Variants in NGLY1 observed in about 807,000 individuals in gnomAD.
NGLY1 encodes N-glycanase 1.
In NGLY1, 68 loss-of-function variants were observed where a neutral mutation model predicts 84.6. The observed-to-expected ratio is 0.80, with a 90% CI of 0.66 to 0.98. NGLY1 has a LOEUF of 0.98. Among genes scored for constraint, NGLY1 ranks in the 50% least tolerant of loss-of-function variants. The pLI is 0.00. For missense variants in NGLY1, 779 were observed against 770.2 expected (o/e 1.01, Z -0.14); for synonymous variants, 280 against 275.2 (o/e 1.02, Z -0.17).
intron 3 of NGLY1, among the ~76,000 whole-genome samples, chr3:25,756,902 T>C (rs947813733): frequency 1.3e-5 from 2 of 152,350 alleles, no homozygotes; most frequent in Non-Finnish European, 2.9e-5. Context: ...CTGAACACTT[T>C]CCCAGTTTTC....
At chr3:25,770,554 T>C (rs1462767279) in intron 2 of NGLY1, among the ~76,000 whole-genome samples, 1 of 152,244 alleles carries the variant, frequency 6.6e-6, no homozygotes, top group Non-Finnish European at 1.5e-5. Context: ...CTTCTTCATA[T>C]AATGACTTCT....
rs1034733370 is a variant in NGLY1, at chr3:25,749,677, C to CA, written c.658+1420dup. ...TGCCCAACATTAGTTATGGGAGCAA[C>CA]AAAAAAACAAAGCACATGCTGCCCA... On this transcript the variant is annotated intron_variant, in intron 4 of 11. Transcript: ENST00000280700. 1.0e-5 allele frequency: 16 copies of CA among 1,566,532 alleles called. No individual in the cohort carries two copies. The African/African-American group carries it at 1.5e-4, about 15-fold the overall frequency.
intron 2 of NGLY1, among the ~76,000 whole-genome samples, chr3:25,770,203 T>G (rs987952517): frequency 3.9e-5 from 6 of 152,142 alleles, no homozygotes; most frequent in Non-Finnish European, 8.8e-5. Context: ...CAAGCTGGAG[T>G]GCAATGGCAT....
intron 2 of NGLY1, among the ~76,000 whole-genome samples, chr3:25,768,938 C>G (rs1707759137): frequency 6.6e-6 from 1 of 151,996 alleles, no homozygotes; most frequent in African/African-American, 2.4e-5. Flanking sequence ...AAGGAAAGAA[C>G]AATGTGAAGA....
At chr3:25,734,702 A>C in intron 7 of NGLY1, 1 of 766,290 alleles carries the variant, frequency 1.3e-6, no homozygotes, top group Non-Finnish European at 1.6e-6. Context: ...AGAGGGTGAG[A>C]CTGTCTCGAA....
At chr3:25,754,478 C>T (rs1706927734) in intron 3 of NGLY1, among the ~76,000 whole-genome samples, 1 of 152,050 alleles carries the variant, frequency 6.6e-6, no homozygotes, top group African/African-American at 2.4e-5. Flanking sequence ...TTTCTGGTCG[C>T]TTTTCATTGC....
intron 10 of NGLY1, among the ~76,000 whole-genome samples, chr3:25,724,337 G>C (rs1288449731): frequency 2.0e-5 from 3 of 152,178 alleles, no homozygotes; most frequent in African/African-American, 7.2e-5. Flanking sequence ...CAGCAAAGCA[G>C]CTGTATTTCA....
At chr3:25,744,396 C>T (rs754168847) in intron 4 of NGLY1, among the ~76,000 whole-genome samples, 6 of 152,340 alleles carry the variant, frequency 3.9e-5, no homozygotes, top group Middle Eastern at 3.4e-3. Context: ...GGCAGTGCCA[C>T]AAGGTCCCCA....
intron 3 of NGLY1, among the ~76,000 whole-genome samples, chr3:25,763,126 A>G (rs755129174): frequency 1.6e-4 from 25 of 152,312 alleles, no homozygotes; most frequent in Non-Finnish European, 2.8e-4. Context: ...TGTCTCAAAA[A>G]AAGAAAAAAA....
chr3:25,754,088 T>C (rs1177221434), intron 3 of NGLY1, among the ~76,000 whole-genome samples: 2 of 152,156 alleles, frequency 1.3e-5, no homozygotes, highest in African/African-American at 2.4e-5. Context: ...AAAATAGATA[T>C]GGACATTACC....
chr3:25,786,751 G>A (rs1708610503), upstream of NGLY1, among the ~76,000 whole-genome samples: 1 of 152,158 alleles, frequency 6.6e-6, no homozygotes, highest in Non-Finnish European at 1.5e-5. Flanking sequence ...TTAAAATGGT[G>A]ATTTCCATGA....
Position 25,783,359 on chromosome 3 carries a change from C to G in NGLY1, c.32G>C (p.Gly11Ala), listed in dbSNP as rs1225525624. Residue 11 changes from glycine (G) to alanine (A), a missense_variant, in exon 1 of 12, where the codon GGC becomes GCC. By Grantham distance (60) the Gly-to-Ala change is moderately conservative (BLOSUM62 0). Transcript: ENST00000280700. This position sits in a 1 kb window ranked among gnomAD's most constrained non-coding sequence, Gnocchi z 4.5. ...CTCAGCCACGGCCGGGGACGCCGAGCCTGAGGAGCTGCCCAATGCCGCCGC... is the reference window on the plus strand; with the variant it reads ...CTCAGCCACGGCCGGGGACGCCGAGGCTGAGGAGCTGCCCAATGCCGCCGC... MAAAALGSSS[G>A]SASPAVAELC... 1 of 1,563,462 alleles carries G rather than the reference C, an allele frequency of 6.4e-7. No homozygotes were observed. Among genetic ancestry groups the G allele is most frequent in the Non-Finnish European group, 8.6e-7 (1 of 1,156,104 alleles).
At chr3:25,732,546 G>A (rs1705596201) in intron 8 of NGLY1, 63 bp from the exon 9 acceptor site, 1 of 1,245,506 alleles carries the variant, frequency 8.0e-7, no homozygotes, top group Admixed American at 2.3e-5. Flanking sequence ...CCATCTCTAA[G>A]CAAGAATATA....
At chr3:25,752,180 A>T (rs555749602) in intron 3 of NGLY1, among the ~76,000 whole-genome samples, 1 of 152,266 alleles carries the variant, frequency 6.6e-6, no homozygotes, top group East Asian at 1.9e-4. Flanking sequence ...ATATTCAGAG[A>T]AAGACTCAAC....
chr3:25,778,711 T>C (rs747755933), intron 1 of NGLY1, 23 bp from the exon 2 acceptor site: 2 of 1,448,000 alleles, frequency 1.4e-6, no homozygotes, highest in South Asian at 2.4e-5. Context: ...AAAAGTTTGA[T>C]TATATATAAA....
upstream of NGLY1, among the ~76,000 whole-genome samples, chr3:25,785,310 A>C (rs568266245): frequency 6.6e-6 from 1 of 152,098 alleles, no homozygotes; most frequent in Non-Finnish European, 1.5e-5. Flanking sequence ...TTAAAAACAC[A>C]TAAAAAGATA....
chr3:25,751,438 T>C (rs1268643861), intron 3 of NGLY1, among the ~76,000 whole-genome samples, 175 bp from the exon 4 acceptor site: 1 of 152,242 alleles, frequency 6.6e-6, no homozygotes, highest in Non-Finnish European at 1.5e-5. Context: ...GACAGCCACA[T>C]TTGTGTCAGA....
intron 3 of NGLY1, among the ~76,000 whole-genome samples, chr3:25,761,035 T>C (rs1050630070): frequency 6.6e-5 from 10 of 152,118 alleles, no homozygotes; most frequent in African/African-American, 2.4e-4. Context: ...TCTGATAATA[T>C]ATGACTTTTA....
chr3:25,727,149 G>A (rs1705306642), intron 10 of NGLY1, among the ~76,000 whole-genome samples: 2 of 152,168 alleles, frequency 1.3e-5, no homozygotes, highest in Middle Eastern at 3.4e-3. Flanking sequence ...AAGTTATAAC[G>A]ACAATTGTTA....
Sources: allele counts gnomAD v4.1 joint callset (sites outside exome capture counted in the v4.1 genomes callset), GRCh38; gene constraint gnomAD v4.1.1; non-coding constraint Gnocchi (gnomAD v3.1); transcripts MANE v1.5; gene names NCBI Gene and HGNC (gene_info 2026-07-23, HGNC 2026-07-21).